The following MAP4K3 variants were observed in gnomAD, a reference collection of about 807,000 sequenced individuals.
MAP4K3 encodes the protein MAPK/ERK kinase kinase kinase 3.
Under a neutral mutation model 143.5 loss-of-function variants are expected in MAP4K3, and 94 were observed. That is an observed-to-expected ratio of 0.65 (90% CI 0.55 to 0.78). The LOEUF (loss-of-function observed/expected upper bound fraction) is 0.78, where lower values mean the gene tolerates loss of function less well. MAP4K3 is among the 30% of genes least tolerant of loss of function. The probability of loss-of-function intolerance (pLI) is 0.00; values close to 1 mark genes in which losing one functional copy is unlikely to be tolerated. For synonymous variants in MAP4K3, 416 were observed against 347.2 expected (o/e 1.20, Z -2.20); for missense variants, 1,077 against 1,068.1 (o/e 1.01, Z -0.12).
rs548827549 is a variant in MAP4K3 at position 39,389,873 on chromosome 2, TA to T, written c.97-11751del. On this transcript the variant is annotated intron_variant, in intron 1 of 33. Transcript: ENST00000263881. Reference sequence around the variant, plus strand: ...GGGTAGAGATAAACATTGATGACTGTAAAAAAACAATAATGTCTATGCAATT... The same window carrying T: ...GGGTAGAGATAAACATTGATGACTGTAAAAAACAATAATGTCTATGCAATT... 1.6e-3 allele frequency among the ~76,000 whole-genome samples: 237 copies of T among 152,224 alleles called. 1 individual carries two copies. Among genetic ancestry groups the T allele is most frequent in the Non-Finnish European group, 2.2e-3 (148 of 67,980 alleles).
chr2:39,356,172 A>T, intron 3 of MAP4K3, 77 bp downstream of exon 3: 2 of 842,094 alleles, frequency 2.4e-6, no homozygotes, highest in Non-Finnish European at 1.9e-6. Flanking sequence ...ACATGGTATT[A>T]AAACTAACTT....
intron 24 of MAP4K3, among the ~76,000 whole-genome samples, chr2:39,276,519 G>A (rs1681260218): frequency 6.6e-6 from 1 of 152,214 alleles, no homozygotes; most frequent in African/African-American, 2.4e-5. Flanking sequence ...GCTTGCCTAG[G>A]TTCATATCGC....
chr2:39,366,037 T>C (rs1049830810), intron 2 of MAP4K3, among the ~76,000 whole-genome samples: 32 of 152,290 alleles, frequency 2.1e-4, no homozygotes, highest in African/African-American at 7.2e-4. Context: ...AGTACTTCAG[T>C]TGTTCGTGAA....
At chr2:39,256,907 G>A (rs1680363111) in intron 31 of MAP4K3, among the ~76,000 whole-genome samples, 1 of 152,174 alleles carries the variant, frequency 6.6e-6, no homozygotes, top group African/African-American at 2.4e-5. Flanking sequence ...AGCCCAGCAG[G>A]CCTGTTAGCT....
intron 1 of MAP4K3, among the ~76,000 whole-genome samples, chr2:39,388,936 C>G (rs1666580613): frequency 6.6e-6 from 1 of 151,946 alleles, no homozygotes; most frequent in African/African-American, 2.4e-5. Flanking sequence ...AATTATCAAG[C>G]ATAAAAGGAA....
intron 4 of MAP4K3, among the ~76,000 whole-genome samples, chr2:39,339,773 T>C (rs1294175025): frequency 6.6e-6 from 1 of 151,764 alleles, no homozygotes; most frequent in Non-Finnish European, 1.5e-5. Flanking sequence ...AAATATATAT[T>C]GGAAACAATG....
chr2:39,430,073 G>A (rs761732256), intron 1 of MAP4K3, among the ~76,000 whole-genome samples: 1 of 152,156 alleles, frequency 6.6e-6, no homozygotes, highest in Non-Finnish European at 1.5e-5. Flanking sequence ...CTGTTCTCAT[G>A]CTGCTAATAA....
intron 1 of MAP4K3, among the ~76,000 whole-genome samples, chr2:39,430,020 GT>G (rs1467107538): frequency 2.0e-5 from 3 of 152,184 alleles, no homozygotes; most frequent in African/African-American, 7.2e-5. Context: ...ATAATTGTGG[GT>G]GGGTGGTATT....
chr2:39,259,488 G>C (rs1446458649), intron 29 of MAP4K3, among the ~76,000 whole-genome samples: 1 of 152,080 alleles, frequency 6.6e-6, no homozygotes, highest in Non-Finnish European at 1.5e-5. Flanking sequence ...GGGAGGCAGG[G>C]CAACTGGAGT....
chr2:39,362,489 C>G (rs992909857), intron 2 of MAP4K3, among the ~76,000 whole-genome samples: 3 of 152,058 alleles, frequency 2.0e-5, no homozygotes, highest in Non-Finnish European at 4.4e-5. Context: ...AAAAAGAATA[C>G]CTAGTAATAG....
rs1382917017 is a variant in MAP4K3 at position 39,337,579 on chromosome 2, T to C, written c.313A>G (p.Thr105Ala). 1.2e-6 allele frequency: 2 copies of C among 1,607,502 alleles called. No homozygotes were observed. Among genetic ancestry groups the C allele is most frequent in the Non-Finnish European group, 1.7e-6 (2 of 1,174,552 alleles). Residue 105 changes from threonine to alanine, a missense_variant and splice_region_variant, in exon 5 of 34, where the codon ACT becomes GCT. Around this residue, in one of 2 missense-constraint regions of MAP4K3, gnomAD observed 213 missense variants for 266.8 expected, o/e 0.80. Transcript: ENST00000263881. ...GGSLQDIYHV[T>A]GPLSELQIAY... ...ATTTGCAGTTCTGACAGAGGTCCAGTTACTGTAAAAGAAGACAATTAATAC... is the reference window on the plus strand; with the variant it reads ...ATTTGCAGTTCTGACAGAGGTCCAGCTACTGTAAAAGAAGACAATTAATAC...
intron 13 of MAP4K3, among the ~76,000 whole-genome samples, chr2:39,311,539 C>G (rs190964906): frequency 6.6e-6 from 1 of 152,198 alleles, no homozygotes; most frequent in Non-Finnish European, 1.5e-5. Flanking sequence ...AAGACCAGAG[C>G]AGAAGTTAAC....
At chr2:39,282,869 T>A (rs1211184608) in intron 21 of MAP4K3, among the ~76,000 whole-genome samples, 1 of 152,214 alleles carries the variant, frequency 6.6e-6, no homozygotes, top group East Asian at 1.9e-4. Context: ...ATAGTGTTTG[T>A]GTGTGTGTTA....
chr2:39,397,236 G>A (rs576968006), intron 1 of MAP4K3, among the ~76,000 whole-genome samples: 1 of 152,152 alleles, frequency 6.6e-6, no homozygotes, highest in Non-Finnish European at 1.5e-5. Context: ...CATAAAATGT[G>A]CTTTAAAACA....
chr2:39,258,817 C>A (rs920844012), intron 29 of MAP4K3, among the ~76,000 whole-genome samples: 3 of 152,142 alleles, frequency 2.0e-5, no homozygotes, highest in South Asian at 4.1e-4. Flanking sequence ...ACTGGCAATG[C>A]GGAACACATG....
chr2:39,343,527 G>T, intron 3 of MAP4K3, 75 bp from the exon 4 acceptor site: 1 of 1,189,520 alleles, frequency 8.4e-7, no homozygotes, highest in Non-Finnish European at 1.2e-6. Flanking sequence ...GTATTTTAAG[G>T]TTGTAAGCTG....
chr2:39,305,697 C>T (rs536537068), intron 15 of MAP4K3, among the ~76,000 whole-genome samples: 408 of 152,308 alleles, frequency 2.7e-3, no homozygotes, highest in Non-Finnish European at 4.4e-3. Context: ...CCCTGTACCA[C>T]AGGAAACTCC....
At chr2:39,286,825 G>C in intron 21 of MAP4K3, 27 bp downstream of exon 21, 1 of 1,452,018 alleles carries the variant, frequency 6.9e-7, no homozygotes, top group Non-Finnish European at 9.4e-7. Context: ...ACAAATACAA[G>C]TAGAACTTAT....
At chr2:39,377,201 C>CTTTTTTTTTTTTTTT (rs56149359) in intron 2 of MAP4K3, among the ~76,000 whole-genome samples, 9 of 110,584 alleles carry the variant, frequency 8.1e-5, no homozygotes, top group South Asian at 3.2e-4. Context: ...GCTATTTGGC[C>CTTTTTTTTTTTTTTT]TTTTTTTTTT....
Sources: allele counts gnomAD v4.1 joint callset (sites outside exome capture counted in the v4.1 genomes callset), GRCh38; gene constraint gnomAD v4.1.1; regional missense constraint gnomAD v4.1.1; transcripts MANE v1.5; gene names NCBI Gene and HGNC (gene_info 2026-07-23, HGNC 2026-07-21).